Variants in GABBR2 observed in about 807,000 individuals in gnomAD.
The protein encoded by GABBR2 is G-protein coupled receptor 51.
Under a neutral mutation model 105.6 loss-of-function variants are expected in GABBR2, and 23 were observed. The observed-to-expected ratio is 0.22, with a 90% CI of 0.16 to 0.31. GABBR2 has a LOEUF of 0.31. Among genes scored for constraint, GABBR2 ranks in the 10% least tolerant of loss-of-function variants. GABBR2 has a pLI of 1.00. For synonymous variants in GABBR2, 478 were observed against 499.7 expected (o/e 0.96, Z 0.58); for missense variants, 734 against 1,245.5 (o/e 0.59, Z 6.18).
At chr9:98,373,171 T>C (rs1047642049) in intron 11 of GABBR2, among the ~76,000 whole-genome samples, 1 of 152,218 alleles carries the variant, frequency 6.6e-6, no homozygotes, top group Non-Finnish European at 1.5e-5. Context: ...ATAATACATT[T>C]GTCATCTGTC....
intron 13 of GABBR2, among the ~76,000 whole-genome samples, chr9:98,323,214 T>C (rs1588101525): frequency 6.6e-6 from 1 of 152,206 alleles, no homozygotes; most frequent in African/African-American, 2.4e-5. Flanking sequence ...GCCCTGGTCA[T>C]GGTGTGGCGG....
At chr9:98,510,134 G>C (rs1252938790) in intron 3 of GABBR2, among the ~76,000 whole-genome samples, 1 of 152,204 alleles carries the variant, frequency 6.6e-6, no homozygotes, top group Non-Finnish European at 1.5e-5. Flanking sequence ...TTAAAGAAAA[G>C]AATTTTCAAC....
intron 1 of GABBR2, among the ~76,000 whole-genome samples, chr9:98,661,829 G>A (rs1830268565): frequency 6.6e-6 from 1 of 152,172 alleles, no homozygotes; most frequent in South Asian, 2.1e-4. Context: ...TGGCCTGAAG[G>A]GAGCTGTTCT....
intron 1 of GABBR2, among the ~76,000 whole-genome samples, chr9:98,623,258 C>A (rs1829692631): frequency 6.6e-6 from 1 of 152,084 alleles, no homozygotes. Context: ...AACCCTGTCT[C>A]TACAAAAAAT....
chr9:98,664,014 T>C (rs1830302316), intron 1 of GABBR2, among the ~76,000 whole-genome samples: 1 of 152,158 alleles, frequency 6.6e-6, no homozygotes, highest in Non-Finnish European at 1.5e-5. Flanking sequence ...GTCCAGATCA[T>C]AATGAGTCTA....
At chr9:98,645,682 A>G (rs1029628787) in intron 1 of GABBR2, among the ~76,000 whole-genome samples, 2 of 152,194 alleles carry the variant, frequency 1.3e-5, no homozygotes, top group African/African-American at 4.8e-5. Context: ...TGGGCAGGAT[A>G]CTTCTAATTA....
At chr9:98,564,602 T>G (rs1828723700) in intron 2 of GABBR2, among the ~76,000 whole-genome samples, 1 of 152,248 alleles carries the variant, frequency 6.6e-6, no homozygotes, top group African/African-American at 2.4e-5. Context: ...AGTTAATTTA[T>G]GCACAGTGTT....
intron 13 of GABBR2, among the ~76,000 whole-genome samples, chr9:98,333,645 C>T (rs961546146): frequency 5.9e-5 from 9 of 152,160 alleles, no homozygotes; most frequent in Admixed American, 3.9e-4. Context: ...TCTGAAGACC[C>T]TTAACATAAT....
intron 1 of GABBR2, among the ~76,000 whole-genome samples, chr9:98,624,054 G>A (rs1829702467): frequency 6.6e-6 from 1 of 152,202 alleles, no homozygotes; most frequent in African/African-American, 2.4e-5. Context: ...TGTCCTGTGA[G>A]GTCACCTGGC....
intron 1 of GABBR2, among the ~76,000 whole-genome samples, chr9:98,595,857 G>A (rs1302744513): frequency 6.6e-6 from 1 of 152,036 alleles, no homozygotes; most frequent in African/African-American, 2.4e-5. Flanking sequence ...AGCCAATCTG[G>A]GTCTCCTCCC....
Position 98,385,913 on chromosome 9 carries a change from C to T in GABBR2, c.1530-141G>A, listed in dbSNP as rs984539257. 8 of 647,728 alleles carry T rather than the reference C, an allele frequency of 1.2e-5. No homozygotes were observed. In the African/African-American group the frequency reaches 1.5e-4, roughly 12 times the overall value. The allele number at this position is 647,728 out of a possible 1,614,324, so 40.1% of individuals were successfully genotyped here. ...AGAGAAACAGAAATACGCCATGGGG[C>T]CTCAGGGGACACATCAGCAGGAAGT... On this transcript the variant is annotated intron_variant, in intron 10 of 18. Transcript: ENST00000259455.
chr9:98,397,411 T>C (rs565406298), intron 8 of GABBR2, among the ~76,000 whole-genome samples: 85 of 113,230 alleles, frequency 7.5e-4, no homozygotes, highest in Non-Finnish European at 1.3e-3. Flanking sequence ...GATACAGAGA[T>C]TTTTTTTTTA....
chr9:98,364,132 T>C (rs1200475397), intron 12 of GABBR2, among the ~76,000 whole-genome samples: 1 of 152,154 alleles, frequency 6.6e-6, no homozygotes, highest in East Asian at 1.9e-4. Flanking sequence ...AAAACCGCTG[T>C]ACCTGGGGGC....
At chr9:98,426,010 G>A (rs2131562613) in intron 7 of GABBR2, among the ~76,000 whole-genome samples, 1 of 152,310 alleles carries the variant, frequency 6.6e-6, no homozygotes, top group South Asian at 2.1e-4. Context: ...ATAGTTGTAA[G>A]TGAATGGATG....
chr9:98,486,441 A>C (rs1827050691), intron 4 of GABBR2, among the ~76,000 whole-genome samples: 1 of 152,210 alleles, frequency 6.6e-6, no homozygotes, highest in South Asian at 2.1e-4. Context: ...GGTGAGGAAG[A>C]TGAGGGACCA....
At chr9:98,323,555 G>C (rs1440390930) in intron 13 of GABBR2, among the ~76,000 whole-genome samples, 1 of 152,182 alleles carries the variant, frequency 6.6e-6, no homozygotes, top group Non-Finnish European at 1.5e-5. Flanking sequence ...TTGGCCTTGG[G>C]CTTGGGGTCA....
chr9:98,656,259 G>T (rs1830181824), intron 1 of GABBR2, among the ~76,000 whole-genome samples: 1 of 152,102 alleles, frequency 6.6e-6, no homozygotes, highest in Non-Finnish European at 1.5e-5. Context: ...GGAGGAAGGG[G>T]TGTGGAGGAA....
At chr9:98,686,591 T>A (rs1338911442) in intron 1 of GABBR2, among the ~76,000 whole-genome samples, 1 of 152,170 alleles carries the variant, frequency 6.6e-6, no homozygotes, top group African/African-American at 2.4e-5. Context: ...AGATGGGGTT[T>A]CACCATGTTG....
intron 1 of GABBR2, among the ~76,000 whole-genome samples, chr9:98,648,116 T>G (rs76075365): frequency 5.9e-4 from 33 of 55,954 alleles, no homozygotes; most frequent in African/African-American, 1.7e-3. Flanking sequence ...TGTGTGTGTG[T>G]ATAGATAGAT....
Sources: allele counts gnomAD v4.1 joint callset (sites outside exome capture counted in the v4.1 genomes callset), GRCh38; gene constraint gnomAD v4.1.1; transcripts MANE v1.5; gene names NCBI Gene and HGNC (gene_info 2026-07-23, HGNC 2026-07-21).